NRCAM: variants seen among roughly 807,000 people sequenced by gnomAD.
NRCAM encodes neuronal cell adhesion molecule.
NRCAM carries 83 observed loss-of-function variants against 156.5 expected under a neutral mutation model. The ratio of observed to expected loss-of-function variants is 0.53; its 90% CI spans 0.44 to 0.64. NRCAM has a LOEUF of 0.64. Ranked by LOEUF, NRCAM falls within the 30% of genes least tolerant of loss-of-function variation. The pLI, the probability that NRCAM is intolerant of heterozygous loss-of-function variation, is 0.00. For synonymous variants in NRCAM, 538 were observed against 563.9 expected (o/e 0.95, Z 0.65); for missense variants, 1,417 against 1,597.3 (o/e 0.89, Z 1.92).
chr7:108,294,319 AGAAGG>A (rs2098408925), intron 3 of NRCAM, among the ~76,000 whole-genome samples: 1 of 148,676 alleles, frequency 6.7e-6, no homozygotes, highest in African/African-American at 2.5e-5. Context: ...GCTCCTGCCC[AGAAGG>A]GCTAACTGCT....
At chr7:108,315,475 C>G (rs1033293887) in intron 2 of NRCAM, among the ~76,000 whole-genome samples, 5 of 152,208 alleles carry the variant, frequency 3.3e-5, no homozygotes, top group Admixed American at 3.3e-4. Context: ...TCTCCCATTA[C>G]AGCAGCCTAT....
intron 3 of NRCAM, among the ~76,000 whole-genome samples, chr7:108,268,636 T>TGGGGGGGGG (rs1300340254): frequency 1.2e-4 from 1 of 8,490 alleles, no homozygotes; most frequent in Admixed American, 1.4e-3. Flanking sequence ...GGGGGGGGGT[T>TGGGGGGGGG]GGGGGGGGCG....
intron 3 of NRCAM, among the ~76,000 whole-genome samples, chr7:108,306,946 A>AT (rs1201984148): frequency 3.3e-5 from 5 of 152,224 alleles, no homozygotes; most frequent in Non-Finnish European, 5.9e-5. Context: ...ATAAAAATAA[A>AT]TCCCTGGGTG....
chr7:108,455,411 G>C (rs1412847606), intron 1 of NRCAM, among the ~76,000 whole-genome samples: 1 of 152,174 alleles, frequency 6.6e-6, no homozygotes, highest in Non-Finnish European at 1.5e-5. Flanking sequence ...GCGGATGCCA[G>C]ATCCCACCGC....
intron 2 of NRCAM, among the ~76,000 whole-genome samples, chr7:108,356,191 C>T (rs1013038845): frequency 1.8e-4 from 27 of 152,340 alleles, no homozygotes; most frequent in Non-Finnish European, 1.6e-4. Context: ...TCGTGATCTG[C>T]CTGCCTTGGC....
intron 32 of NRCAM, chr7:108,156,393 G>T: frequency 1.0e-6 from 1 of 984,126 alleles, no homozygotes; most frequent in African/African-American, 1.7e-5. Flanking sequence ...TTACACTCTT[G>T]GTTGCATTGT....
intron 3 of NRCAM, among the ~76,000 whole-genome samples, chr7:108,270,450 C>A (rs913457441): frequency 1.3e-5 from 2 of 152,138 alleles, no homozygotes; most frequent in Admixed American, 6.5e-5. Context: ...CTTAAAAGGG[C>A]TATTTATGCT....
intron 2 of NRCAM, among the ~76,000 whole-genome samples, chr7:108,316,544 AG>A (rs1554502357): frequency 1.3e-5 from 2 of 151,996 alleles, no homozygotes; most frequent in Non-Finnish European, 2.9e-5. Context: ...GGGAGGCCGA[AG>A]CAGGCAGATC....
chr7:108,444,350 G>A (rs1001704008), intron 1 of NRCAM, among the ~76,000 whole-genome samples: 10 of 151,308 alleles, frequency 6.6e-5, no homozygotes, highest in African/African-American at 2.2e-4. Flanking sequence ...ATGACACAGA[G>A]GTATGGGAAA....
At chr7:108,209,086 C>T (rs1004632340) in intron 12 of NRCAM, among the ~76,000 whole-genome samples, 1 of 152,176 alleles carries the variant, frequency 6.6e-6, no homozygotes, top group Non-Finnish European at 1.5e-5. Context: ...TGCAAATATC[C>T]TGTTTCTCCT....
At chr7:108,430,767 T>A (rs1206395129) in intron 1 of NRCAM, among the ~76,000 whole-genome samples, 1 of 152,146 alleles carries the variant, frequency 6.6e-6, no homozygotes, top group African/African-American at 2.4e-5. Context: ...AAACTTCTAA[T>A]TATTTTCCAA....
intron 1 of NRCAM, among the ~76,000 whole-genome samples, chr7:108,428,086 A>C (rs952129519): frequency 1.3e-5 from 2 of 152,236 alleles, no homozygotes; most frequent in Non-Finnish European, 2.9e-5. Context: ...AGGACAAGAT[A>C]AAGCAAAAGG....
intron 28 of NRCAM, among the ~76,000 whole-genome samples, chr7:108,170,592 T>C (rs2057885724): frequency 6.6e-6 from 1 of 152,340 alleles, no homozygotes; most frequent in Non-Finnish European, 1.5e-5. Flanking sequence ...CAAACCAATG[T>C]TCATCTCACA....
rs112480432 is a variant in NRCAM, at chr7:108,430,741, C to G, written c.-332+25502G>C. On this transcript the variant is annotated intron_variant, in intron 1 of 32. Coordinates refer to ENST00000379028, the MANE Select transcript of NRCAM (RefSeq NM_001037132.4). ...TTCTCTGCCTAAGATGCCCTTTTACCTCCTTTCAGTCTGGCAAACTTCTAA... is the reference window on the plus strand; with the variant it reads ...TTCTCTGCCTAAGATGCCCTTTTACGTCCTTTCAGTCTGGCAAACTTCTAA... Among the ~76,000 whole-genome samples, 1,354 of 152,242 alleles carry G rather than the reference C, an allele frequency of 8.9e-3. 21 individuals carry two copies. Among genetic ancestry groups the G allele is most frequent in the African/African-American group, 0.031 (1,276 of 41,534 alleles).
intron 32 of NRCAM, 105 bp from the exon 33 acceptor site, chr7:108,150,252 G>C (rs1034414630): frequency 1.1e-6 from 1 of 889,438 alleles, no homozygotes; most frequent in Non-Finnish European, 1.8e-6. Flanking sequence ...GGAGTCCTGG[G>C]CTTCTCTGGC....
At chr7:108,310,033 C>T (rs569768031) in intron 3 of NRCAM, among the ~76,000 whole-genome samples, 12 of 152,222 alleles carry the variant, frequency 7.9e-5, no homozygotes, top group Admixed American at 2.6e-4. Flanking sequence ...CTAAGATGTA[C>T]ATATAACTTT....
At chr7:108,390,438 T>C (rs1329802169) in intron 2 of NRCAM, among the ~76,000 whole-genome samples, 1 of 152,244 alleles carries the variant, frequency 6.6e-6, no homozygotes, top group East Asian at 1.9e-4. Flanking sequence ...TCATTTTTTA[T>C]TGCATCTATT....
intron 13 of NRCAM, among the ~76,000 whole-genome samples, chr7:108,202,954 C>T (rs1009648009): frequency 6.6e-5 from 10 of 152,180 alleles, no homozygotes; most frequent in Admixed American, 2.6e-4. Context: ...AAGTGTTAGA[C>T]TCTCCTGCAG....
At chr7:108,436,765 A>G (rs2154475542) in intron 1 of NRCAM, among the ~76,000 whole-genome samples, 1 of 152,348 alleles carries the variant, frequency 6.6e-6, no homozygotes, top group East Asian at 1.9e-4. Flanking sequence ...CAAATAATTT[A>G]TGACCTCTTA....
Sources: gnomAD v4.1 joint callset for allele counts (sites outside exome capture counted in the v4.1 genomes callset) on GRCh38, gnomAD v4.1.1 for gene constraint, MANE v1.5 for transcripts, NCBI Gene and HGNC (gene_info 2026-07-23, HGNC 2026-07-21) for gene names.